B9D1: variants seen among roughly 807,000 people sequenced by gnomAD.
B9D1 encodes the protein B9 domain-containing protein 1.
In B9D1, 20 loss-of-function variants were observed where a neutral mutation model predicts 26.1. The ratio of observed to expected loss-of-function variants is 0.77; its 90% CI spans 0.54 to 1.12. The LOEUF is 1.12. B9D1 is among the 50% of genes most tolerant of loss of function. B9D1 has a pLI of 0.00. For missense variants in B9D1, 260 were observed against 273.7 expected, an observed-to-expected ratio of 0.95 and a Z score of 0.35; for synonymous variants, 105 against 103.1, an observed-to-expected ratio of 1.02 and a Z score of -0.11.
chr17:19,368,764 A>G (rs1482094213), intron 1 of B9D1, among the ~76,000 whole-genome samples: 2 of 152,124 alleles, frequency 1.3e-5, no homozygotes, highest in African/African-American at 4.8e-5. Flanking sequence ...GGGCAAATAG[A>G]GACCCCGTCT....
At chr17:19,339,590 A>G (rs1907734026), downstream of B9D1, among the ~76,000 whole-genome samples, 5 of 152,326 alleles carry the variant, frequency 3.3e-5, no homozygotes, top group South Asian at 1.0e-3. Flanking sequence ...TGCAGGATCA[A>G]ATAACCCCAA....
chr17:19,355,627 A>G (rs1297110891), intron 3 of B9D1, among the ~76,000 whole-genome samples: 1 of 151,650 alleles, frequency 6.6e-6, no homozygotes, highest in African/African-American at 2.4e-5. Context: ...CAGGAGATCG[A>G]GACCATCCTG....
chr17:19,352,845 T>C (rs1446446806), intron 3 of B9D1, among the ~76,000 whole-genome samples: 1 of 152,080 alleles, frequency 6.6e-6, no homozygotes, highest in Non-Finnish European at 1.5e-5. Context: ...TTTTAATATT[T>C]TTAGTAGAGA....
intron 3 of B9D1, chr17:19,357,428 A>G: frequency 3.4e-6 from 1 of 296,428 alleles, no homozygotes; most frequent in Non-Finnish European, 6.7e-6. Context: ...TAAAGCTCAG[A>G]TGAAGAAAGT....
chr17:19,376,504 G>A (rs1912108288), intron 1 of B9D1, among the ~76,000 whole-genome samples: 3 of 151,918 alleles, frequency 2.0e-5, no homozygotes, highest in Non-Finnish European at 4.4e-5. Context: ...CAGGTGCAGT[G>A]GCTCACGCCT....
chr17:19,336,671 G>C (rs904114940), downstream of B9D1: 1 of 152,604 alleles, frequency 6.6e-6, no homozygotes, highest in Non-Finnish European at 1.5e-5. Context: ...GTTGACTGTT[G>C]ATACTTATTT....
At chr17:19,377,900 G>A (rs1440437485) in exon 1 of B9D1, 42 of 985,304 alleles carry the variant, frequency 4.3e-5, no homozygotes, top group Non-Finnish European at 4.7e-5. Context: ...AACTTGGCCG[G>A]AAGCTGCGGA....
At chr17:19,364,837 ACATTGGGCAGGCGGGGCTGTCAGC>A (rs1408478250), upstream of B9D1, among the ~76,000 whole-genome samples, 2 of 152,250 alleles carry the variant, frequency 1.3e-5, no homozygotes, top group Non-Finnish European at 2.9e-5. The surrounding 1 kb of genome is among the most constrained non-coding windows in gnomAD (Gnocchi z 4.3). Flanking sequence ...AGCTTCCAGC[ACATTGGGCAGGCGGGGCTGTCAGC>A]CATTGGGCAG....
chr17:19,338,215 G>A (rs535210746), downstream of B9D1, among the ~76,000 whole-genome samples: 3 of 152,236 alleles, frequency 2.0e-5, no homozygotes, highest in Non-Finnish European at 2.9e-5. Context: ...GGAAGCTGCC[G>A]CACAGACTGA....
upstream of B9D1, among the ~76,000 whole-genome samples, chr17:19,365,738 A>G (rs1911557425): frequency 6.6e-6 from 1 of 152,140 alleles, no homozygotes; most frequent in African/African-American, 2.4e-5. The surrounding 1 kb of genome is among the most constrained non-coding windows in gnomAD (Gnocchi z 5.0). Flanking sequence ...TGACTCAGGG[A>G]AAGTCCTTTA....
In B9D1 at chr17:19,362,669, C is replaced by A. The variant is rs948245926; in HGVS notation, c.-100G>T. 4 of 1,540,272 alleles carry A rather than the reference C, an allele frequency of 2.6e-6. No homozygotes were observed. Among genetic ancestry groups the A allele is most frequent in the Non-Finnish European group, 3.5e-6 (4 of 1,142,156 alleles). Reference sequence around the variant, plus strand: ...AACAGACGGCGTAGCGCGCAGGACACGTTTCTTGGCAGCGACACCTTCGCG... The same window carrying A: ...AACAGACGGCGTAGCGCGCAGGACAAGTTTCTTGGCAGCGACACCTTCGCG... On this transcript the variant is annotated 5_prime_UTR_variant, in exon 1 of 7. Transcript: ENST00000261499.
chr17:19,341,548 T>G (rs1907968072), downstream of B9D1, among the ~76,000 whole-genome samples: 1 of 151,896 alleles, frequency 6.6e-6, no homozygotes, highest in East Asian at 1.9e-4. Flanking sequence ...GCAGCTAATG[T>G]GGGGTGGTTG....
At chr17:19,364,390 CAG>C (rs1911462545), upstream of B9D1, 1 of 152,288 alleles carries the variant, frequency 6.6e-6, no homozygotes, top group Non-Finnish European at 1.5e-5. This position sits in a 1 kb window ranked among gnomAD's most constrained non-coding sequence, Gnocchi z 4.3. Context: ...AGAGGGGTCT[CAG>C]GGGCTTGCAT....
In B9D1 at chr17:19,360,509, C is replaced by T. The variant is rs539096066; in HGVS notation, c.64-121G>A. The T allele has an allele frequency of 5.9e-5, 50 of 851,164 alleles. 2 individuals are homozygous for T. Among genetic ancestry groups the T allele is most frequent in the South Asian group, 4.6e-4 (34 of 73,942 alleles). 52.7% of individuals were successfully genotyped at this position (851,164 alleles called of 1,614,324 possible). A position where few individuals can be genotyped will look rare whatever the true frequency, so the allele number is the denominator to read the frequency against. The stretch of plus-strand genomic sequence containing the variant: ...GACACCTGGGAGTGGGTCTAAGAGA[C>T]GGCTGGAGATGTGTTCAGAGGAGAG... On this transcript the variant is annotated intron_variant, in intron 1 of 6. Coordinates refer to ENST00000261499, the MANE Select transcript of B9D1 (RefSeq NM_015681.6).
downstream of B9D1, among the ~76,000 whole-genome samples, chr17:19,340,007 C>A (rs7207266): frequency 0.97 from 136,770 of 141,680 alleles, 66,442 homozygotes; most frequent in African/African-American, 0.99. Flanking sequence ...CTCGACTGTC[C>A]TCATGGAGGG....
intron 1 of B9D1, among the ~76,000 whole-genome samples, chr17:19,374,502 G>A (rs369919237): frequency 9.2e-5 from 14 of 152,304 alleles, no homozygotes; most frequent in East Asian, 5.8e-4. Context: ...TACTAAAATT[G>A]TAAGAACAAT....
chr17:19,346,775 C>T (rs1157732072), intron 5 of B9D1, among the ~76,000 whole-genome samples: 3 of 152,216 alleles, frequency 2.0e-5, no homozygotes, highest in Non-Finnish European at 4.4e-5. Flanking sequence ...CTCTAGCATG[C>T]TAAGCTCACG....
At chr17:19,368,347 T>G (rs1001444108) in intron 1 of B9D1, among the ~76,000 whole-genome samples, 1 of 152,234 alleles carries the variant, frequency 6.6e-6, no homozygotes, top group Non-Finnish European at 1.5e-5. Flanking sequence ...CCTTTACCCC[T>G]GAAGCTCACG....
intron 1 of B9D1, among the ~76,000 whole-genome samples, 183 bp from the exon 2 acceptor site, chr17:19,360,571 C>T (rs1468385785): frequency 6.6e-6 from 1 of 152,092 alleles, no homozygotes; most frequent in Non-Finnish European, 1.5e-5. Flanking sequence ...CGGGAGACTC[C>T]CAGGTGCCAC....
Sources: allele counts gnomAD v4.1 joint callset (sites outside exome capture counted in the v4.1 genomes callset), GRCh38; gene constraint gnomAD v4.1.1; non-coding constraint Gnocchi (gnomAD v3.1); transcripts MANE v1.5; gene names NCBI Gene and HGNC (gene_info 2026-07-23, HGNC 2026-07-21).